Variants in TBCA observed in about 807,000 individuals in gnomAD.
TBCA encodes tubulin-specific chaperone A.
A neutral mutation model predicts 15.8 loss-of-function variants in TBCA; 6 were observed. The observed-to-expected ratio is 0.38, with a 90% CI of 0.21 to 0.75. The LOEUF (loss-of-function observed/expected upper bound fraction) is 0.75. TBCA is among the 30% of genes least tolerant of loss of function. TBCA has a pLI of 0.46. For missense variants in TBCA, 90 were observed against 131.2 expected, an observed-to-expected ratio of 0.69 and a Z score of 1.53; for synonymous variants, 32 against 42.3, an observed-to-expected ratio of 0.76 and a Z score of 0.94.
rs532206974 is a variant in TBCA, at chr5:77,776,111, C to G, written c.53+94G>C. The G allele has an allele frequency of 2.0e-6, 3 of 1,479,792 alleles. No individual in the cohort carries two copies. The South Asian group carries it at 3.7e-5, about 18-fold the overall frequency. 91.7% of individuals were successfully genotyped at this position (1,479,792 alleles called of 1,614,324 possible). On this transcript the variant is annotated intron_variant, in intron 1 of 3. Transcript: ENST00000380377. ...GGTGCGGCCTGGAGTTCGGAGCCCG[C>G]CTCGGGCCTCCTCGGGCCTGCGCTC...
intron 1 of TBCA, among the ~76,000 whole-genome samples, chr5:77,758,473 G>C (rs1270645835): frequency 4.6e-5 from 7 of 152,182 alleles, no homozygotes; most frequent in Non-Finnish European, 8.8e-5. Context: ...CTTTAGTGTT[G>C]TGAGCCCTTA....
chr5:77,750,452 T>C (rs956509946), intron 1 of TBCA, among the ~76,000 whole-genome samples: 3 of 152,148 alleles, frequency 2.0e-5, no homozygotes, highest in Non-Finnish European at 2.9e-5. Context: ...TAATGTACAA[T>C]ACTATGGTGT....
chr5:77,736,998 T>C (rs932394458), intron 1 of TBCA, among the ~76,000 whole-genome samples: 10 of 152,298 alleles, frequency 6.6e-5, no homozygotes, highest in African/African-American at 2.4e-4. Context: ...TATGTATACA[T>C]TGTTTCTGGA....
At chr5:77,741,502 C>T (rs1320826417) in intron 1 of TBCA, among the ~76,000 whole-genome samples, 3 of 152,016 alleles carry the variant, frequency 2.0e-5, no homozygotes, top group African/African-American at 7.2e-5. Context: ...ATACAAAGAG[C>T]ACCTGATCCT....
At chr5:77,767,494 C>T (rs1747807417) in intron 1 of TBCA, among the ~76,000 whole-genome samples, 1 of 152,186 alleles carries the variant, frequency 6.6e-6, no homozygotes, top group African/African-American at 2.4e-5. Flanking sequence ...ACTCACTTGT[C>T]TACTCTTCCC....
chr5:77,766,015 G>A (rs1445315091), intron 1 of TBCA, among the ~76,000 whole-genome samples: 1 of 152,012 alleles, frequency 6.6e-6, no homozygotes, highest in Admixed American at 6.6e-5. Flanking sequence ...ACTTAACAAT[G>A]TACAAATTCC....
At chr5:77,751,464 C>G (rs960612104) in intron 1 of TBCA, among the ~76,000 whole-genome samples, 10 of 152,096 alleles carry the variant, frequency 6.6e-5, no homozygotes, top group African/African-American at 2.2e-4. Context: ...CACGCATGAG[C>G]CACCGCGCCG....
chr5:77,699,033 C>CAAAAAAAAAAAAAAAAAAAAAAA (rs71608119), intron 2 of TBCA, among the ~76,000 whole-genome samples: 1 of 70,100 alleles, frequency 1.4e-5, no homozygotes, highest in Non-Finnish European at 2.4e-5. Context: ...GCAAGAGCAT[C>CAAAAAAAAAAAAAAAAAAAAAAA]AAAAAAAAAA....
At chr5:77,768,074 C>T (rs1430512192) in intron 1 of TBCA, among the ~76,000 whole-genome samples, 1 of 152,198 alleles carries the variant, frequency 6.6e-6, no homozygotes, top group Non-Finnish European at 1.5e-5. Context: ...AGACCAGGCC[C>T]TCACCAGATA....
intron 1 of TBCA, among the ~76,000 whole-genome samples, chr5:77,708,846 G>A (rs1746209617): frequency 6.6e-6 from 1 of 151,976 alleles, no homozygotes; most frequent in Non-Finnish European, 1.5e-5. Context: ...TGGGATTACA[G>A]GCATGAGCCA....
At chr5:77,773,125 A>C (rs1203735005) in intron 1 of TBCA, among the ~76,000 whole-genome samples, 1 of 152,234 alleles carries the variant, frequency 6.6e-6, no homozygotes, top group African/African-American at 2.4e-5. Flanking sequence ...GTAAAAGTGA[A>C]CCAGTCTGGT....
At chr5:77,738,929 G>T (rs548555821) in intron 1 of TBCA, among the ~76,000 whole-genome samples, 2 of 152,150 alleles carry the variant, frequency 1.3e-5, no homozygotes, top group Admixed American at 6.5e-5. Context: ...ACTGCTGGTT[G>T]TAACCCAGTA....
chr5:77,693,799 CAAAAAAAAAAAAAA>C (rs70991303), intron 2 of TBCA, among the ~76,000 whole-genome samples: 1 of 77,936 alleles, frequency 1.3e-5, no homozygotes, highest in Admixed American at 1.7e-4. Context: ...AACTCCATCT[CAAAAAAAAAAAAAA>C]AAAAAAAAAA....
chr5:77,752,567 T>TAA lies in TBCA; in HGVS notation c.53+23637_53+23638insTT, dbSNP rs1405598623. ...TTTTGTTTTGTTTTGTTTTTCTTTT[T>TAA]TTGAGACGGAGTCTCGCTCTGTCGC... On this transcript the variant is annotated intron_variant, in intron 1 of 3. Transcript: ENST00000380377. Among the ~76,000 whole-genome samples, 242 of 48,306 alleles carry TAA rather than the reference T, an allele frequency of 5.0e-3. 3 individuals are homozygous for TAA. Among genetic ancestry groups the TAA allele is most frequent in the Middle Eastern group, 0.036 (4 of 112 alleles). 31.7% of individuals were successfully genotyped at this position (48,306 alleles called of 152,430 possible).
chr5:77,762,149 G>C, intron 1 of TBCA, among the ~76,000 whole-genome samples: 1 of 152,160 alleles, frequency 6.6e-6, no homozygotes, highest in East Asian at 1.9e-4. Context: ...ATCATGAAAA[G>C]CAAAATTACT....
chr5:77,708,512 T>C (rs1003340158), intron 1 of TBCA, 165 bp from the exon 2 acceptor site: 14 of 497,520 alleles, frequency 2.8e-5, no homozygotes, highest in African/African-American at 2.7e-4. Flanking sequence ...AATATAAGCA[T>C]GATCCTCATG....
At chr5:77,753,654 A>C (rs925909053) in intron 1 of TBCA, among the ~76,000 whole-genome samples, 3 of 152,224 alleles carry the variant, frequency 2.0e-5, no homozygotes, top group East Asian at 3.8e-4. Context: ...TTTTAATGAC[A>C]TCTTGTTTTA....
At chr5:77,714,122 A>C (rs980324779) in intron 1 of TBCA, among the ~76,000 whole-genome samples, 13 of 152,016 alleles carry the variant, frequency 8.6e-5, no homozygotes, top group African/African-American at 3.1e-4. Flanking sequence ...GGAGTTCGAG[A>C]TCAGCCTGCC....
chr5:77,763,276 A>G (rs548040406), intron 1 of TBCA, among the ~76,000 whole-genome samples: 112 of 152,186 alleles, frequency 7.4e-4, no homozygotes, highest in African/African-American at 2.5e-3. Flanking sequence ...AAATAAATAA[A>G]TAAAAAGACA....
Sources: allele counts gnomAD v4.1 joint callset (sites outside exome capture counted in the v4.1 genomes callset), GRCh38; gene constraint gnomAD v4.1.1; transcripts MANE v1.5; gene names NCBI Gene and HGNC (gene_info 2026-07-23, HGNC 2026-07-21).